Variants in PP2D1 observed in about 807,000 individuals in gnomAD.
PP2D1 encodes protein phosphatase 2C like domain containing 1, also known as protein phosphatase 2C-like domain-containing protein 1.
A neutral mutation model predicts 30.2 loss-of-function variants in PP2D1; 25 were observed. That is an observed-to-expected ratio of 0.83 (90% CI 0.60 to 1.16). PP2D1 has a LOEUF of 1.16. Among genes scored for constraint, PP2D1 ranks in the 50% most tolerant of loss-of-function variants. PP2D1 has a pLI of 0.00. For synonymous variants in PP2D1, 260 were observed against 258.9 expected, an observed-to-expected ratio of 1.00 and a Z score of -0.04; for missense variants, 760 against 742.4, an observed-to-expected ratio of 1.02 and a Z score of -0.28.
chr3:19,987,166 G>A (rs1697050317), intron 2 of PP2D1, among the ~76,000 whole-genome samples: 1 of 152,198 alleles, frequency 6.6e-6, no homozygotes, highest in Middle Eastern at 3.4e-3. Context: ...GTTTGTCCGT[G>A]GTTCAAATGA....
downstream of PP2D1, chr3:19,983,669 GTA>G: frequency 7.7e-7 from 1 of 1,303,328 alleles, no homozygotes; most frequent in Non-Finnish European, 1.1e-6. Flanking sequence ...ATTAATATGA[GTA>G]TTCAAATATT....
intron 1 of PP2D1, among the ~76,000 whole-genome samples, chr3:20,006,317 A>T (rs1053745367): frequency 6.6e-6 from 1 of 152,186 alleles, no homozygotes; most frequent in Non-Finnish European, 1.5e-5. Context: ...ATACCATCCT[A>T]AAATCTGATG....
rs1697031144 is a variant in PP2D1, at chr3:19,986,138, GGCAAAAA to G, written c.1128_1134del (p.Phe377Ter). The G allele has an allele frequency of 9.2e-6, 14 of 1,522,616 alleles. No homozygotes were observed. The highest frequency in any genetic ancestry group is 1.1e-5 in the Non-Finnish European group (13 of 1,142,340). The allele number at this position is 1,522,616 out of a possible 1,614,324, so 94.3% of individuals were successfully genotyped here. A position where few individuals can be genotyped will look rare whatever the true frequency, so the allele number is the denominator to read the frequency against. ...TTTCGTGTAGTATGTTCTTTGGTTA[GGCAAAAA>G]CCTTTCCCATTTCTGCATAAGACTG... On this transcript the variant is annotated frameshift_variant, in exon 3 of 3. Transcript: ENST00000389050. LOFTEE classifies it low-confidence loss of function (END_TRUNC).
chr3:19,985,616 A>G lies in PP2D1; in HGVS notation c.1657T>C (p.Phe553Leu), dbSNP rs1378055270. The G allele has an allele frequency of 6.5e-7, 1 of 1,535,876 alleles. No individual in the cohort carries two copies. The change falls in exon 3 of 3, where the codon TTT (phenylalanine) becomes CTT (leucine). Residue 553 changes from phenylalanine to leucine, a missense_variant. Physicochemically the swap from Phe to Leu is conservative, Grantham distance 22 (BLOSUM62 0). Coordinates refer to ENST00000389050, the MANE Select transcript of PP2D1 (RefSeq NM_001252657.2). ...TTACGATGAGTCGTTTCTGCTGGAA[A>G]TGTTTCTACATTCTCAGGGTTATAA... The part of the protein sequence containing the change: ...CIYNPENVET[F>L]PAETTHRKPC...
intron 1 of PP2D1, among the ~76,000 whole-genome samples, chr3:20,002,415 T>C (rs1236106735): frequency 2.0e-5 from 3 of 152,214 alleles, no homozygotes; most frequent in Non-Finnish European, 4.4e-5. Context: ...TGATTTCTAA[T>C]ATGGACATAC....
At chr3:19,991,760 C>T (rs537447787) in intron 2 of PP2D1, among the ~76,000 whole-genome samples, 7 of 151,992 alleles carry the variant, frequency 4.6e-5, no homozygotes, top group Non-Finnish European at 1.0e-4. Flanking sequence ...ACTTGGAACA[C>T]TTATTTAGTG....
chr3:19,995,645 A>G (rs1390398931), intron 2 of PP2D1, among the ~76,000 whole-genome samples: 2 of 152,216 alleles, frequency 1.3e-5, no homozygotes, highest in Admixed American at 6.5e-5. Context: ...TGAAAAGTCA[A>G]TCAATTGAAA....
chr3:19,996,154 T>G (rs1559497991), intron 2 of PP2D1, among the ~76,000 whole-genome samples: 1 of 152,088 alleles, frequency 6.6e-6, no homozygotes, highest in Non-Finnish European at 1.5e-5. Context: ...AACAAAAGGT[T>G]GTTTTTATGA....
Position 20,011,129 on chromosome 3 carries a change from C to G in PP2D1, c.23+921G>C, listed in dbSNP as rs1311117260. On this transcript the variant is annotated intron_variant, in intron 1 of 2. Transcript: ENST00000389050. ...AGACATATTAGCAAGGGGTCCAAGG[C>G]AATATCCAAGAGAATGATCAGTTAG... Among the ~76,000 whole-genome samples the G allele has an allele frequency of 1.2e-4, 19 of 152,032 alleles. 1 individual carries two copies. Among genetic ancestry groups the G allele is most frequent in the Admixed American group, 1.2e-3 (19 of 15,234 alleles).
chr3:20,011,979 GA>G (rs1559501487), intron 1 of PP2D1, 70 bp downstream of exon 1: 10 of 1,246,940 alleles, frequency 8.0e-6, no homozygotes, highest in Admixed American at 4.4e-5. Context: ...GAAAGTGGAA[GA>G]AAAAAATACT....
At chr3:20,010,145 T>C (rs1191057867) in intron 1 of PP2D1, among the ~76,000 whole-genome samples, 1 of 152,164 alleles carries the variant, frequency 6.6e-6, no homozygotes, top group African/African-American at 2.4e-5. Context: ...TCACCCAGGC[T>C]GGAGTGCAGT....
chr3:20,005,546 T>C (rs1055298096), intron 1 of PP2D1, among the ~76,000 whole-genome samples: 2 of 152,128 alleles, frequency 1.3e-5, no homozygotes, highest in African/African-American at 4.8e-5. Flanking sequence ...TTTAATGTGT[T>C]AGAGTAATGA....
chr3:19,982,172 A>T (rs966013742), downstream of PP2D1, among the ~76,000 whole-genome samples: 1 of 152,144 alleles, frequency 6.6e-6, no homozygotes, highest in African/African-American at 2.4e-5. Context: ...CAGGAGTTCA[A>T]GGCTGCAGTG....
chr3:19,986,674 GA>G (rs1455128538), intron 2 of PP2D1, among the ~76,000 whole-genome samples: 2 of 152,158 alleles, frequency 1.3e-5, no homozygotes, highest in Admixed American at 6.5e-5. Context: ...CATGGGTGAT[GA>G]AAAAATTAGA....
chr3:19,998,973 T>G (rs1697217153), intron 2 of PP2D1, among the ~76,000 whole-genome samples: 1 of 152,120 alleles, frequency 6.6e-6, no homozygotes, highest in Non-Finnish European at 1.5e-5. Flanking sequence ...TCTATGAAAA[T>G]GCAACATGCC....
downstream of PP2D1, among the ~76,000 whole-genome samples, chr3:19,981,178 A>G (rs1696919074): frequency 1.3e-5 from 2 of 152,220 alleles, no homozygotes. Flanking sequence ...TATGTATTAA[A>G]ACAAACTACA....
At chr3:20,004,211 C>T (rs1284926508) in intron 1 of PP2D1, among the ~76,000 whole-genome samples, 2 of 152,118 alleles carry the variant, frequency 1.3e-5, no homozygotes, top group Non-Finnish European at 2.9e-5. Context: ...AAATACTTAC[C>T]ATGTGTTACA....
At chr3:20,005,926 T>C (rs1288678549) in intron 1 of PP2D1, among the ~76,000 whole-genome samples, 2 of 151,602 alleles carry the variant, frequency 1.3e-5, no homozygotes, top group Non-Finnish European at 2.9e-5. Flanking sequence ...TTATGTTATC[T>C]ATCTTTCCAA....
chr3:20,007,004 C>CACGT (rs1491541217), intron 1 of PP2D1, among the ~76,000 whole-genome samples: 1 of 94,746 alleles, frequency 1.1e-5, no homozygotes, highest in African/African-American at 3.7e-5. Flanking sequence ...CACACACACA[C>CACGT]GTATACACAC....
Sources: allele counts gnomAD v4.1 joint callset (sites outside exome capture counted in the v4.1 genomes callset), GRCh38; gene constraint gnomAD v4.1.1; transcripts MANE v1.5; gene names NCBI Gene and HGNC (gene_info 2026-07-23, HGNC 2026-07-21).